Variants in PTPRR observed in about 807,000 individuals in gnomAD.
The protein encoded by PTPRR is receptor-type tyrosine-protein phosphatase R.
In PTPRR, 38 loss-of-function variants were observed where a neutral mutation model predicts 77.2. That is an observed-to-expected ratio of 0.49 (90% CI 0.38 to 0.65). PTPRR has a LOEUF of 0.65. Among genes scored for constraint, PTPRR ranks in the 30% least tolerant of loss-of-function variants. The probability of loss-of-function intolerance (pLI) is 0.00; values close to 1 mark genes in which losing one functional copy is unlikely to be tolerated. For missense variants in PTPRR, 744 were observed against 799.2 expected (o/e 0.93, Z 0.83); for synonymous variants, 299 against 283.1 (o/e 1.06, Z -0.57).
intron 2 of PTPRR, among the ~76,000 whole-genome samples, chr12:70,786,649 C>T (rs529080511): frequency 3.3e-5 from 5 of 152,250 alleles, no homozygotes; most frequent in Admixed American, 6.5e-5. Context: ...TCTAATGCTC[C>T]GTGGAAGTGT....
At chr12:70,897,395 C>G (rs1296722159) in intron 1 of PTPRR, among the ~76,000 whole-genome samples, 1 of 151,942 alleles carries the variant, frequency 6.6e-6, no homozygotes, top group South Asian at 2.1e-4. Context: ...CCAAAAAACA[C>G]ATGAAAAAAT....
chr12:70,748,004 G>C (rs957241006), intron 5 of PTPRR, among the ~76,000 whole-genome samples: 2 of 152,114 alleles, frequency 1.3e-5, no homozygotes, highest in Non-Finnish European at 2.9e-5. Context: ...CAGGGTGTGG[G>C]GGAAGGAGAA....
intron 4 of PTPRR, among the ~76,000 whole-genome samples, chr12:70,756,671 C>A (rs1890571505): frequency 6.6e-6 from 1 of 152,072 alleles, no homozygotes. Context: ...GGGTTTTGTT[C>A]TATTATTTAA....
intron 10 of PTPRR, among the ~76,000 whole-genome samples, chr12:70,679,944 T>C (rs1887594101): frequency 1.3e-5 from 2 of 152,202 alleles, no homozygotes; most frequent in Non-Finnish European, 2.9e-5. Flanking sequence ...TTAACTGTTT[T>C]CTAGATACTT....
In PTPRR at chr12:70,672,234, A is replaced by T. The variant is rs562435385; in HGVS notation, c.1498-9629T>A. On this transcript the variant is annotated intron_variant, in intron 10 of 13. Transcript: ENST00000283228. ...TCCCTGGCTCCAGCCACATGGCCAG[A>T]TAAGGTGGTGTGTGTGGGCATGAAT... 11 of 1,589,150 alleles carry T rather than the reference A, an allele frequency of 6.9e-6. No homozygotes were observed. The African/African-American group carries it at 9.4e-5, about 14-fold the overall frequency.
intron 1 of PTPRR, among the ~76,000 whole-genome samples, chr12:70,911,205 C>G (rs562253625): frequency 3.3e-4 from 51 of 152,290 alleles, no homozygotes; most frequent in Non-Finnish European, 2.1e-4. Context: ...GAACCACAGG[C>G]AGCCTTCCAC....
chr12:70,887,460 TTAAG>T (rs1377493040), intron 2 of PTPRR, among the ~76,000 whole-genome samples: 1 of 143,832 alleles, frequency 7.0e-6, no homozygotes, highest in African/African-American at 2.6e-5. Flanking sequence ...CAAAAAAAAA[TTAAG>T]TAATAAGGTG....
At chr12:70,790,547 G>C (rs1891404288) in intron 2 of PTPRR, among the ~76,000 whole-genome samples, 1 of 152,016 alleles carries the variant, frequency 6.6e-6, no homozygotes, top group South Asian at 2.1e-4. Context: ...TCTATAGTCT[G>C]AAATTTAGCA....
At chr12:70,720,558 C>T (rs1321898432) in intron 6 of PTPRR, among the ~76,000 whole-genome samples, 1 of 147,562 alleles carries the variant, frequency 6.8e-6, no homozygotes, top group Non-Finnish European at 1.5e-5. Context: ...GTCGCCCAGG[C>T]TGGAGTGCAG....
chr12:70,717,746 C>T (rs1237494701), intron 6 of PTPRR, among the ~76,000 whole-genome samples: 1 of 152,168 alleles, frequency 6.6e-6, no homozygotes, highest in Non-Finnish European at 1.5e-5. Flanking sequence ...TTCTTCCATG[C>T]ATCCGGGCAT....
At chr12:70,711,875 A>C (rs1294817725) in intron 6 of PTPRR, among the ~76,000 whole-genome samples, 2 of 152,128 alleles carry the variant, frequency 1.3e-5, no homozygotes, top group African/African-American at 4.8e-5. Flanking sequence ...ATGAACTCTC[A>C]ATCAAAATTA....
intron 2 of PTPRR, among the ~76,000 whole-genome samples, chr12:70,785,063 AAC>A (rs1037563176): frequency 4.1e-4 from 62 of 152,304 alleles, no homozygotes; most frequent in African/African-American, 1.4e-3. Flanking sequence ...ACATTTTAAG[AAC>A]AGTTTTTGAA....
chr12:70,684,653 A>G, intron 9 of PTPRR, 51 bp downstream of exon 9: 1 of 1,256,714 alleles, frequency 8.0e-7, no homozygotes, highest in Non-Finnish European at 1.1e-6. Flanking sequence ...AATAAAACCA[A>G]CAATTCCAAA....
chr12:70,687,780 G>T (rs569802234), intron 8 of PTPRR, among the ~76,000 whole-genome samples: 1 of 152,272 alleles, frequency 6.6e-6, no homozygotes, highest in South Asian at 2.1e-4. Flanking sequence ...ATGCTCATCA[G>T]CATGGAAATC....
chr12:70,676,778 G>GT lies in PTPRR; in HGVS notation c.1497+7348dup, dbSNP rs568424777. Among the ~76,000 whole-genome samples the GT allele has an allele frequency of 2.6e-4, 38 of 146,244 alleles. 1 individual carries two copies. The highest frequency in any genetic ancestry group is 1.3e-3 in the South Asian group (6 of 4,602). ...TTCCATTCCATTGGTCTATGTATTT[G>GT]TTTTTTTTGCCAATATCATGTTGCT... is the stretch of plus-strand genomic sequence containing the variant. On this transcript the variant is annotated intron_variant, in intron 10 of 13. Transcript: ENST00000283228.
At chr12:70,768,226 G>C (rs1890876650) in intron 2 of PTPRR, among the ~76,000 whole-genome samples, 1 of 152,102 alleles carries the variant, frequency 6.6e-6, no homozygotes, top group South Asian at 2.1e-4. Flanking sequence ...GAATCCAGGA[G>C]CTGGTTTTTT....
intron 2 of PTPRR, among the ~76,000 whole-genome samples, chr12:70,837,530 G>A (rs1165541698): frequency 1.3e-5 from 2 of 151,896 alleles, no homozygotes; most frequent in South Asian, 2.1e-4. Flanking sequence ...AGCAGCTCTC[G>A]GAACTCAGGG....
At chr12:70,876,199 A>T (rs1893049630) in intron 2 of PTPRR, among the ~76,000 whole-genome samples, 1 of 145,842 alleles carries the variant, frequency 6.9e-6, no homozygotes, top group Admixed American at 6.7e-5. Context: ...AAAGGAAGTC[A>T]ATGGAAAAGG....
chr12:70,726,833 C>T (rs955271958), intron 6 of PTPRR, among the ~76,000 whole-genome samples: 1 of 152,152 alleles, frequency 6.6e-6, no homozygotes, highest in African/African-American at 2.4e-5. Context: ...TCACCAGCCT[C>T]GACCTCCCAG....
Sources: allele counts gnomAD v4.1 joint callset (sites outside exome capture counted in the v4.1 genomes callset), GRCh38; gene constraint gnomAD v4.1.1; transcripts MANE v1.5; gene names NCBI Gene and HGNC (gene_info 2026-07-23, HGNC 2026-07-21).